Variants in GABRA4 observed in about 807,000 individuals in gnomAD.
GABRA4 encodes gamma-aminobutyric acid receptor subunit alpha-4.
Under a neutral mutation model 49.7 loss-of-function variants are expected in GABRA4, and 12 were observed. The observed-to-expected ratio is 0.24, with a 90% CI of 0.15 to 0.39. GABRA4 has a LOEUF of 0.39. Among genes scored for constraint, GABRA4 ranks in the 10% least tolerant of loss-of-function variants. The pLI, the probability that GABRA4 is intolerant of heterozygous loss-of-function variation, is 1.00. For synonymous variants in GABRA4, 288 were observed against 240.2 expected, an observed-to-expected ratio of 1.20 and a Z score of -1.84; for missense variants, 506 against 686.0, an observed-to-expected ratio of 0.74 and a Z score of 2.93.
In GABRA4 at chr4:46,965,306, A is replaced by C. The variant is rs907237514; in HGVS notation, c.875-77T>G. 8 of 1,250,494 alleles carry C rather than the reference A, an allele frequency of 6.4e-6. No individual in the cohort carries two copies. The Admixed American group carries it at 1.4e-4, about 22-fold the overall frequency. The allele number at this position is 1,250,494 out of a possible 1,614,324, so 77.5% of individuals were successfully genotyped here. On this transcript the variant is annotated intron_variant, in intron 7 of 8. Transcript: ENST00000264318. ...AAAAGCACCGCCACCACCAACAAAA[A>C]CCTAGAAAATCATGTGGAATAGGGT...
intron 8 of GABRA4, among the ~76,000 whole-genome samples, chr4:46,930,466 G>A (rs1232202485): frequency 6.6e-6 from 1 of 151,830 alleles, no homozygotes; most frequent in African/African-American, 2.4e-5. Flanking sequence ...AAAATTTAAA[G>A]AGCATATATA....
At chr4:46,985,126 T>A (rs998994288) in intron 2 of GABRA4, among the ~76,000 whole-genome samples, 2 of 152,058 alleles carry the variant, frequency 1.3e-5, no homozygotes, top group African/African-American at 4.8e-5. Flanking sequence ...ATAAGAATGA[T>A]TTTTAGCAAT....
Position 46,990,683 on chromosome 4 carries a change from T to C in GABRA4, c.205+2145A>G, listed in dbSNP as rs550071089. Reference sequence around the variant, plus strand: ...TAAATCCTCTTTTATTGATATAATATTGCCTTAAATGGTATCACATCATCT... The same window carrying C: ...TAAATCCTCTTTTATTGATATAATACTGCCTTAAATGGTATCACATCATCT... On this transcript the variant is annotated intron_variant, in intron 2 of 8. Coordinates refer to ENST00000264318, the MANE Select transcript of GABRA4 (RefSeq NM_000809.4). 5.3e-5 allele frequency among the ~76,000 whole-genome samples: 8 copies of C among 152,340 alleles called. No individual in the cohort carries two copies. In the South Asian group the frequency reaches 1.5e-3, roughly 28 times the overall value.
chr4:46,938,592 G>A (rs1247822721), intron 8 of GABRA4, among the ~76,000 whole-genome samples: 1 of 152,058 alleles, frequency 6.6e-6, no homozygotes, highest in Admixed American at 6.6e-5. Context: ...GCTGAATTTG[G>A]AATTCCAATT....
chr4:46,985,586 T>A (rs1249286298), intron 2 of GABRA4, among the ~76,000 whole-genome samples: 1 of 152,012 alleles, frequency 6.6e-6, no homozygotes, highest in East Asian at 1.9e-4. Context: ...TAATGATATA[T>A]ACAAATGCAA....
rs1721306703 is a variant in GABRA4, at chr4:46,928,341, T to A, written c.1549A>T (p.Lys517Ter). Reference protein sequence around the residue: ...APPPSGSGTSKIDKYARILFP... With the variant: ...APPPSGSGTS Reference sequence around the variant, plus strand: ...AGAATACGGGCATATTTGTCTATTTTACTTGTGCCAGATCCAGAAGGTGGT... The same window carrying A: ...AGAATACGGGCATATTTGTCTATTTAACTTGTGCCAGATCCAGAAGGTGGT... Residue 517 changes from lysine to a stop codon, truncating the protein, a stop_gained, in exon 9 of 9, where the codon AAA becomes TAA. Coordinates refer to ENST00000264318, the MANE Select transcript of GABRA4 (RefSeq NM_000809.4). LOFTEE classifies it high-confidence loss of function. The A allele has an allele frequency of 6.2e-7, 1 of 1,613,514 alleles. No homozygotes were observed. Among genetic ancestry groups the A allele is most frequent in the African/African-American group, 1.3e-5 (1 of 74,866 alleles).
chr4:46,953,749 A>G (rs1414281185), intron 8 of GABRA4, among the ~76,000 whole-genome samples: 1 of 152,128 alleles, frequency 6.6e-6, no homozygotes, highest in Non-Finnish European at 1.5e-5. Context: ...TATAAATGGG[A>G]TAGAGTTTCA....
chr4:46,985,938 A>T (rs941478335), intron 2 of GABRA4, among the ~76,000 whole-genome samples: 3 of 151,976 alleles, frequency 2.0e-5, no homozygotes, highest in South Asian at 2.1e-4. Flanking sequence ...AGAAAAAAGA[A>T]AGAAAGAAAG....
chr4:46,986,917 T>C (rs1247453044), intron 2 of GABRA4, among the ~76,000 whole-genome samples: 1 of 152,078 alleles, frequency 6.6e-6, no homozygotes, highest in Admixed American at 6.6e-5. Flanking sequence ...AGCCAACCAT[T>C]TCTTATAAAT....
chr4:46,977,044 T>C lies in GABRA4; in HGVS notation c.577+17A>G, dbSNP rs1723161492. 1 of 1,532,000 alleles carries C rather than the reference T, an allele frequency of 6.5e-7. No homozygotes were observed. Among genetic ancestry groups the C allele is most frequent in the Non-Finnish European group, 9.0e-7 (1 of 1,110,006 alleles). 94.9% of individuals were successfully genotyped at this position (1,532,000 alleles called of 1,614,324 possible). A position where few individuals can be genotyped will look rare whatever the true frequency, so the allele number is the denominator to read the frequency against. On this transcript the variant is annotated intron_variant, in intron 5 of 8. Transcript: ENST00000264318. ...GAGGTAATCATAAATTCTAGCAAAA[T>C]TTTTATTATAACTTACAACTCCCGA...
chr4:46,967,325 C>A (rs1025808207), intron 7 of GABRA4, among the ~76,000 whole-genome samples: 1 of 151,022 alleles, frequency 6.6e-6, no homozygotes, highest in African/African-American at 2.4e-5. Flanking sequence ...CAAATACAAG[C>A]AACTTAAGAT....
chr4:46,985,833 C>T (rs1723513387), intron 2 of GABRA4, among the ~76,000 whole-genome samples: 1 of 151,638 alleles, frequency 6.6e-6, no homozygotes, highest in African/African-American at 2.4e-5. Context: ...ACTCTGAATT[C>T]AAACTTCTCT....
intron 8 of GABRA4, among the ~76,000 whole-genome samples, chr4:46,936,095 G>T (rs1406088620): frequency 6.6e-6 from 1 of 152,092 alleles, no homozygotes; most frequent in Non-Finnish European, 1.5e-5. Context: ...CTGGCACTCA[G>T]CTAACATGCT....
Position 46,977,528 on chromosome 4 carries a change from T to C in GABRA4, c.376A>G (p.Lys126Glu). 6.2e-7 allele frequency: 1 copy of C among 1,612,818 alleles called. No individual in the cohort carries two copies. Among genetic ancestry groups the C allele is most frequent in the Non-Finnish European group, 8.5e-7 (1 of 1,179,144 alleles). Residue 126 changes from lysine (K) to glutamate (E), a missense_variant, in exon 4 of 9, where the codon AAA (lysine) becomes GAA (glutamate). Physicochemically the swap from Lys to Glu is moderately conservative, Grantham distance 56. Transcript: ENST00000264318. The part of the protein sequence containing the change: ...ILRLNNMMVT[K>E]VWTPDTFFRN... ...AAGAAAGTATCAGGGGTCCACACTT[T>C]CGTTACCATCATATTGTTCAATCTC...
In GABRA4 at chr4:46,921,859, T is replaced by A. The variant is rs1721046735; in HGVS notation, c.*6366A>T. The A allele has an allele frequency of 6.6e-6, 1 of 152,098 alleles. No individual in the cohort carries two copies. The highest frequency in any genetic ancestry group is 1.5e-5 in the Non-Finnish European group (1 of 68,012). The allele number at this position is 152,098 out of a possible 1,614,324, so 9.4% of individuals were successfully genotyped here. ...GATGACAAACTATAGTCAGCAGCTT[T>A]TAAGTAGGTAGCCATTTGCACTAAT... On this transcript the variant is annotated 3_prime_UTR_variant, in exon 9 of 9. Coordinates refer to ENST00000264318, the MANE Select transcript of GABRA4 (RefSeq NM_000809.4).
At chr4:46,973,578 A>G (rs1723031916) in intron 6 of GABRA4, among the ~76,000 whole-genome samples, 1 of 151,770 alleles carries the variant, frequency 6.6e-6, no homozygotes, top group African/African-American at 2.4e-5. Flanking sequence ...ACTATCATAA[A>G]AAATATTTTT....
In GABRA4 at chr4:46,961,602, A is replaced by G. The variant is rs1227696482; in HGVS notation, c.1134+3368T>C. On this transcript the variant is annotated intron_variant, in intron 8 of 8. Coordinates refer to ENST00000264318, the MANE Select transcript of GABRA4 (RefSeq NM_000809.4). ...TATTTGTTGAATGAGTGAATAAATC[A>G]ATTAATGAATGAATAAGGGACCGAT... 3.3e-5 allele frequency among the ~76,000 whole-genome samples: 5 copies of G among 151,902 alleles called. No individual in the cohort carries two copies. In the East Asian group the frequency reaches 9.7e-4, roughly 30 times the overall value.
At chr4:46,952,166 G>A (rs1722195153) in intron 8 of GABRA4, among the ~76,000 whole-genome samples, 1 of 152,024 alleles carries the variant, frequency 6.6e-6, no homozygotes, top group East Asian at 1.9e-4. Flanking sequence ...GAAGATATCA[G>A]AGTTATAAAA....
intron 7 of GABRA4, among the ~76,000 whole-genome samples, chr4:46,969,247 T>C (rs892731933): frequency 6.6e-6 from 1 of 151,588 alleles, no homozygotes; most frequent in Non-Finnish European, 1.5e-5. Flanking sequence ...CTACACACTC[T>C]TTAGGATCAT....
Sources: gnomAD v4.1 joint callset for allele counts (sites outside exome capture counted in the v4.1 genomes callset) on GRCh38, gnomAD v4.1.1 for gene constraint, MANE v1.5 for transcripts, NCBI Gene and HGNC (gene_info 2026-07-23, HGNC 2026-07-21) for gene names.